Variants in ADGRG6 observed in about 807,000 individuals in gnomAD.
ADGRG6 encodes the protein G-protein coupled receptor 126.
Under a neutral mutation model 142.4 loss-of-function variants are expected in ADGRG6, and 84 were observed. The ratio of observed to expected loss-of-function variants is 0.59; its 90% CI spans 0.49 to 0.71. The LOEUF (loss-of-function observed/expected upper bound fraction) is 0.71. Among genes scored for constraint, ADGRG6 ranks in the 30% least tolerant of loss-of-function variants. The pLI, the probability that ADGRG6 is intolerant of heterozygous loss-of-function variation, is 0.00. For missense variants in ADGRG6, 1,367 were observed against 1,466.6 expected, an observed-to-expected ratio of 0.93 and a Z score of 1.11; for synonymous variants, 521 against 520.5, an observed-to-expected ratio of 1.00 and a Z score of -0.01.
At chr6:142,406,022 G>A (rs983303748) in intron 15 of ADGRG6, among the ~76,000 whole-genome samples, 194 bp downstream of exon 15, 1 of 152,024 alleles carries the variant, frequency 6.6e-6, no homozygotes, top group African/African-American at 2.4e-5. Flanking sequence ...CAAGTTGTAT[G>A]TACTTCAATT....
At position 142,370,143 on chromosome 6, in the gene ADGRG6, T is replaced by C. The variant is rs759669610; in HGVS notation, c.446-27T>C. 17 of 1,564,794 alleles carry C rather than the reference T, an allele frequency of 1.1e-5. No homozygotes were observed. The South Asian group carries it at 2.0e-4, about 18-fold the overall frequency. ...GTCTGTGTTCTGAAGTTAACAGGTT[T>C]ATCTTTCTTGTTATGTTTTGTCCTA... is the stretch of plus-strand genomic sequence containing the variant. On this transcript the variant is annotated intron_variant, in intron 3 of 24. Coordinates refer to ENST00000367609, the MANE Select transcript of ADGRG6 (RefSeq NM_198569.3).
chr6:142,355,292 A>G (rs1158886625), intron 2 of ADGRG6, among the ~76,000 whole-genome samples: 1 of 151,952 alleles, frequency 6.6e-6, no homozygotes, highest in Admixed American at 6.6e-5. Context: ...CCCAGCTATC[A>G]GTGTTATTTT....
At chr6:142,430,666 C>A (rs760545894) in intron 22 of ADGRG6, among the ~76,000 whole-genome samples, 5 of 152,068 alleles carry the variant, frequency 3.3e-5, no homozygotes, top group Non-Finnish European at 7.4e-5. Flanking sequence ...TAAACACAAC[C>A]CCATATAGTC....
intron 15 of ADGRG6, among the ~76,000 whole-genome samples, chr6:142,406,190 G>GTTTT (rs3079341): frequency 1.3e-5 from 2 of 148,188 alleles, no homozygotes; most frequent in Non-Finnish European, 1.5e-5. Context: ...AAAGGAAAGG[G>GTTTT]TTTTTTTTTT....
intron 2 of ADGRG6, among the ~76,000 whole-genome samples, chr6:142,352,623 A>G (rs888507697): frequency 3.9e-5 from 6 of 152,120 alleles, no homozygotes; most frequent in African/African-American, 1.4e-4. Context: ...AAGTAGAAAA[A>G]ATTATCTTGT....
intron 2 of ADGRG6, among the ~76,000 whole-genome samples, chr6:142,353,917 G>A (rs999684068): frequency 1.7e-4 from 26 of 152,158 alleles, no homozygotes; most frequent in African/African-American, 6.3e-4. Flanking sequence ...TTAGAGGACA[G>A]TAGCCTCTTT....
In ADGRG6 at chr6:142,419,871, T is replaced by G. The variant is rs1776569494; in HGVS notation, c.3086T>G (p.Phe1029Cys). The G allele has an allele frequency of 6.2e-7, 1 of 1,612,890 alleles. No homozygotes were observed. The highest frequency in any genetic ancestry group is 1.3e-5 in the African/African-American group (1 of 74,980). The change falls in exon 22 of 25, where the codon TTT becomes TGT. Residue 1029 changes from phenylalanine (F) to cysteine (C), a missense_variant. Around this residue, in one of 3 missense-constraint regions of ADGRG6, gnomAD observed 344 missense variants for 348.7 expected, o/e 0.99. Transcript: ENST00000367609. ...TTTTATGTGACCTGTGCTGGGTATT[T>G]TGGAGTCATGTTTTTTCTGAACATT... ...VIFYVTCAGY[F>C]GVMFFLNIAM...
At chr6:142,358,613 A>C (rs886751202) in intron 2 of ADGRG6, among the ~76,000 whole-genome samples, 1 of 152,208 alleles carries the variant, frequency 6.6e-6, no homozygotes, top group Non-Finnish European at 1.5e-5. Context: ...CAAGGCTTTA[A>C]AAAGTATCTG....
chr6:142,385,998 C>A (rs1392868525), intron 6 of ADGRG6, among the ~76,000 whole-genome samples: 1 of 152,112 alleles, frequency 6.6e-6, no homozygotes, highest in Non-Finnish European at 1.5e-5. Context: ...TTTGTCCATT[C>A]CTTTTAACTC....
intron 2 of ADGRG6, among the ~76,000 whole-genome samples, chr6:142,317,184 T>C (rs1432056499): frequency 6.6e-6 from 1 of 152,142 alleles, no homozygotes; most frequent in East Asian, 1.9e-4. Context: ...AGGACTCTTA[T>C]TACTTCTCAT....
At position 142,370,613 on chromosome 6, in the gene ADGRG6, C is replaced by A; in HGVS notation, c.889C>A (p.Gln297Lys). Reference protein sequence around the residue: ...GNGKLLLGSNQNEIVSLKGDI... With the variant: ...GNGKLLLGSNKNEIVSLKGDI... ...TGGGAAATTGTTGTTGGGCTCCAAT[C>A]AAAATGAAATTGTCTCTCTAAAAGG... Residue 297 changes from glutamine to lysine, a missense_variant, in exon 4 of 25, where the codon CAA becomes AAA. Physicochemically the swap from Gln to Lys is moderately conservative, Grantham distance 53. Around this residue, in one of 3 missense-constraint regions of ADGRG6, gnomAD observed 737 missense variants for 746.5 expected, o/e 0.99. Coordinates refer to ENST00000367609, the MANE Select transcript of ADGRG6 (RefSeq NM_198569.3). 1 of 1,613,162 alleles carries A rather than the reference C, an allele frequency of 6.2e-7. No homozygotes were observed. The highest frequency in any genetic ancestry group is 8.5e-7 in the Non-Finnish European group (1 of 1,179,244).
At chr6:142,422,153 C>G (rs1217034136) in intron 22 of ADGRG6, among the ~76,000 whole-genome samples, 1 of 149,032 alleles carries the variant, frequency 6.7e-6, no homozygotes, top group East Asian at 1.9e-4. Context: ...TACATTATAT[C>G]TAATTTTTTC....
intron 2 of ADGRG6, among the ~76,000 whole-genome samples, chr6:142,326,010 C>T (rs1778758953): frequency 6.6e-6 from 1 of 151,590 alleles, no homozygotes; most frequent in Admixed American, 6.6e-5. Context: ...TGAATTATGG[C>T]AAAATGACTA....
intron 22 of ADGRG6, among the ~76,000 whole-genome samples, chr6:142,421,226 A>C (rs1776639586): frequency 6.6e-6 from 1 of 152,164 alleles, no homozygotes; most frequent in Admixed American, 6.6e-5. Flanking sequence ...AATGATTGGT[A>C]AATTAATGGA....
chr6:142,387,772 ATGT>A (rs1486396467), intron 6 of ADGRG6, among the ~76,000 whole-genome samples: 2 of 152,204 alleles, frequency 1.3e-5, no homozygotes, highest in Admixed American at 6.5e-5. Flanking sequence ...ACAAAAAATA[ATGT>A]TGTTTTGATA....
At chr6:142,430,031 AGAGAGT>A (rs1777134385) in intron 22 of ADGRG6, among the ~76,000 whole-genome samples, 1 of 152,192 alleles carries the variant, frequency 6.6e-6, no homozygotes, top group Non-Finnish European at 1.5e-5. Flanking sequence ...AGCCTGGGTG[AGAGAGT>A]GAGACCTTGT....
intron 10 of ADGRG6, among the ~76,000 whole-genome samples, chr6:142,399,790 A>T (rs1386356561): frequency 6.6e-6 from 1 of 152,322 alleles, no homozygotes; most frequent in East Asian, 1.9e-4. Context: ...GATATAACTC[A>T]CTAATGCTCA....
chr6:142,339,161 G>A (rs1779497556), intron 2 of ADGRG6, among the ~76,000 whole-genome samples: 1 of 152,226 alleles, frequency 6.6e-6, no homozygotes, highest in South Asian at 2.1e-4. Context: ...TTGAGTCAGG[G>A]ATCCTACAGA....
At chr6:142,311,700 A>G (rs79231182) in intron 2 of ADGRG6, among the ~76,000 whole-genome samples, 3,011 of 151,996 alleles carry the variant, frequency 0.02, 100 homozygotes, top group African/African-American at 0.069. Context: ...GATGATCTCA[A>G]GTGGCTTTAA....
Sources: gnomAD v4.1 joint callset for allele counts (sites outside exome capture counted in the v4.1 genomes callset) on GRCh38, gnomAD v4.1.1 for gene constraint, gnomAD v4.1.1 regional missense constraint, MANE v1.5 for transcripts, NCBI Gene and HGNC (gene_info 2026-07-23, HGNC 2026-07-21) for gene names.